Variants in NKAIN2 observed in about 807,000 individuals in gnomAD.
NKAIN2 encodes the protein sodium/potassium-transporting ATPase subunit beta-1-interacting protein 2.
NKAIN2 carries 14 observed loss-of-function variants against 32.6 expected under a neutral mutation model. That is an observed-to-expected ratio of 0.43 (90% confidence interval 0.28 to 0.67). The LOEUF (loss-of-function observed/expected upper bound fraction) is 0.67. NKAIN2 is among the 30% of genes least tolerant of loss of function. NKAIN2 has a pLI of 0.17. For missense variants in NKAIN2, 198 were observed against 258.3 expected (o/e 0.77, Z 1.60); for synonymous variants, 80 against 87.2 (o/e 0.92, Z 0.46).
chr6:124,379,461 A>G (rs528129875), intron 3 of NKAIN2, among the ~76,000 whole-genome samples: 7 of 152,046 alleles, frequency 4.6e-5, no homozygotes, highest in Non-Finnish European at 8.8e-5. Flanking sequence ...CATTTATGTA[A>G]TGAATTCCCT....
intron 3 of NKAIN2, among the ~76,000 whole-genome samples, chr6:124,520,580 T>C (rs905797958): frequency 1.3e-5 from 2 of 152,198 alleles, no homozygotes; most frequent in Non-Finnish European, 2.9e-5. Flanking sequence ...CTAAAATGTA[T>C]TTGCCAGCTT....
rs374174429 is a variant in NKAIN2 at position 124,582,906 on chromosome 6, G to C, written c.274-75280G>C. ...TTCAATTGATGCTGAAAAAGCACTT[G>C]ATAAAATTCAACATCCCTCTATTAT... On this transcript the variant is annotated intron_variant, in intron 3 of 6. Coordinates refer to ENST00000368417, the MANE Select transcript of NKAIN2 (RefSeq NM_001040214.3). Among the ~76,000 whole-genome samples the C allele has an allele frequency of 2.0e-4, 30 of 152,102 alleles. No individual in the cohort carries two copies. The South Asian group carries it at 6.2e-3, about 32-fold the overall frequency.
At chr6:124,621,723 G>GTTTCTCTCCCAATAGAGAATTTGACAAA (rs1783112827) in intron 3 of NKAIN2, among the ~76,000 whole-genome samples, 1 of 152,114 alleles carries the variant, frequency 6.6e-6, no homozygotes, top group Non-Finnish European at 1.5e-5. Flanking sequence ...GGAAGAAAAT[G>GTTTCTCTCCCAATAGAGAATTTGACAAA]TTTCTCTCCC....
At chr6:124,343,443 A>G (rs2115092837) in intron 2 of NKAIN2, among the ~76,000 whole-genome samples, 1 of 151,338 alleles carries the variant, frequency 6.6e-6, no homozygotes, top group African/African-American at 2.4e-5. Flanking sequence ...TTACAGTCCC[A>G]CCAACTGTGT....
chr6:124,770,371 T>G (rs1476970980), intron 4 of NKAIN2, among the ~76,000 whole-genome samples: 3 of 152,112 alleles, frequency 2.0e-5, no homozygotes, highest in Non-Finnish European at 2.9e-5. Flanking sequence ...TCAGCCTTTC[T>G]GAAAAAGGAG....
chr6:124,506,084 G>C (rs1425701518), intron 3 of NKAIN2, among the ~76,000 whole-genome samples: 4 of 152,104 alleles, frequency 2.6e-5, no homozygotes, highest in Non-Finnish European at 2.9e-5. Flanking sequence ...GGGATGCTGA[G>C]GCAGGAGAAT....
intron 3 of NKAIN2, among the ~76,000 whole-genome samples, chr6:124,599,176 C>A (rs2114976953): frequency 6.6e-6 from 1 of 151,764 alleles, no homozygotes; most frequent in African/African-American, 2.4e-5. Context: ...CTCATCAAAC[C>A]CTTAAAGTCC....
intron 2 of NKAIN2, among the ~76,000 whole-genome samples, chr6:124,345,393 G>T (rs1798360033): frequency 2.0e-5 from 3 of 152,136 alleles, no homozygotes; most frequent in Non-Finnish European, 4.4e-5. Flanking sequence ...GTTTGGAATT[G>T]TTTCAGAAGG....
At chr6:124,622,549 G>A (rs148474865) in intron 3 of NKAIN2, among the ~76,000 whole-genome samples, 1,606 of 152,286 alleles carry the variant, frequency 0.011, 30 homozygotes, top group African/African-American at 0.037. Context: ...CTTTTTGCAA[G>A]GGCAGAGGGC....
In NKAIN2 at chr6:124,188,261, G is replaced by C. The variant is rs73770355; in HGVS notation, c.55-94744G>C. Among the ~76,000 whole-genome samples, 1,159 of 152,196 alleles carry C rather than the reference G, an allele frequency of 7.6e-3. 14 individuals carry two copies. Among genetic ancestry groups the C allele is most frequent in the African/African-American group, 0.027 (1,117 of 41,544 alleles). ...TTAAGAGATTGGTTGCAAAGAATTG[G>C]CTCATCTGATTATGGGGACTAGCTG... On this transcript the variant is annotated intron_variant, in intron 1 of 6. Transcript: ENST00000368417.
rs142404008 is a variant in NKAIN2 at position 124,141,029 on chromosome 6, G to A, written c.55-141976G>A. 6.5e-3 allele frequency among the ~76,000 whole-genome samples: 991 copies of A among 152,288 alleles called. 10 individuals carry two copies. The highest frequency in any genetic ancestry group is 0.023 in the African/African-American group (960 of 41,558). ...TACTTCTCCAATAAGGACAAAACTT[G>A]TAATGATTACTACCATATGAGATTG... On this transcript the variant is annotated intron_variant, in intron 1 of 6. Transcript: ENST00000368417.
intron 2 of NKAIN2, among the ~76,000 whole-genome samples, chr6:124,317,699 ATGTACATATTTCTTAG>A (rs1269584690): frequency 1.3e-5 from 2 of 152,034 alleles, no homozygotes; most frequent in Non-Finnish European, 2.9e-5. Context: ...GGCCCCTAAA[ATGTACATATTTCTTAG>A]TGCTCAGGGA....
At chr6:124,491,787 T>A (rs1309284216) in intron 3 of NKAIN2, among the ~76,000 whole-genome samples, 1 of 151,934 alleles carries the variant, frequency 6.6e-6, no homozygotes, top group Non-Finnish European at 1.5e-5. Context: ...GTAAAGTCTG[T>A]AGTTGAATTA....
intron 3 of NKAIN2, among the ~76,000 whole-genome samples, chr6:124,517,899 A>T (rs1158581430): frequency 1.3e-5 from 2 of 152,116 alleles, no homozygotes; most frequent in African/African-American, 4.8e-5. Context: ...TTTCTAGGAG[A>T]TGTAAGTAAC....
intron 3 of NKAIN2, among the ~76,000 whole-genome samples, chr6:124,553,247 G>T (rs984640097): frequency 7.9e-5 from 12 of 152,134 alleles, no homozygotes; most frequent in Admixed American, 6.5e-4. Flanking sequence ...GTAGATAAAA[G>T]GGACAGAACT....
intron 1 of NKAIN2, among the ~76,000 whole-genome samples, chr6:124,164,465 G>A (rs1373890115): frequency 6.6e-6 from 1 of 152,040 alleles, no homozygotes; most frequent in Non-Finnish European, 1.5e-5. Context: ...TCGTTGAGAA[G>A]CAGAGTTTTC....
At chr6:124,695,783 T>C (rs1338997744) in intron 4 of NKAIN2, among the ~76,000 whole-genome samples, 3 of 152,186 alleles carry the variant, frequency 2.0e-5, no homozygotes, top group Non-Finnish European at 4.4e-5. Flanking sequence ...GAAGGAGGGC[T>C]GCAGGAACAG....
At chr6:124,740,752 A>T (rs1310622930) in intron 4 of NKAIN2, among the ~76,000 whole-genome samples, 1 of 151,818 alleles carries the variant, frequency 6.6e-6, no homozygotes, top group Non-Finnish European at 1.5e-5. Flanking sequence ...GGAATGAGAG[A>T]GAAGGAGCAC....
chr6:124,347,441 G>A (rs1318177559), intron 2 of NKAIN2, among the ~76,000 whole-genome samples: 1 of 152,084 alleles, frequency 6.6e-6, no homozygotes, highest in African/African-American at 2.4e-5. Context: ...TTCCAACTTG[G>A]TTCCATTCTC....
Sources: gnomAD v4.1 joint callset for allele counts (sites outside exome capture counted in the v4.1 genomes callset) on GRCh38, gnomAD v4.1.1 for gene constraint, MANE v1.5 for transcripts, NCBI Gene and HGNC (gene_info 2026-07-23, HGNC 2026-07-21) for gene names.